Variants in PEAK1 observed in about 807,000 individuals in gnomAD.
The protein encoded by PEAK1 is pseudopodium enriched atypical kinase 1, also known as inactive tyrosine-protein kinase PEAK1.
In PEAK1, 54 loss-of-function variants were observed where a neutral mutation model predicts 124.7. The ratio of observed to expected loss-of-function variants is 0.43; its 90% CI spans 0.35 to 0.54. The LOEUF is 0.54. PEAK1 is among the 20% of genes least tolerant of loss of function. PEAK1 has a pLI of 0.01. For missense variants in PEAK1, 2,046 were observed against 2,134.5 expected, an observed-to-expected ratio of 0.96 and a Z score of 0.82; for synonymous variants, 719 against 760.0, an observed-to-expected ratio of 0.95 and a Z score of 0.89.
intron 2 of PEAK1, among the ~76,000 whole-genome samples, chr15:77,344,685 C>A (rs971434270): frequency 1.3e-5 from 2 of 152,204 alleles, no homozygotes; most frequent in Non-Finnish European, 2.9e-5. Context: ...GTCTTCCAAC[C>A]CATGAACATG....
At chr15:77,348,355 T>TA (rs1597388955) in intron 2 of PEAK1, 12 of 892,352 alleles carry the variant, frequency 1.3e-5, no homozygotes, top group Non-Finnish European at 1.6e-5. Flanking sequence ...TAAAACAGGT[T>TA]AAATTTAAAG....
intron 7 of PEAK1, among the ~76,000 whole-genome samples, chr15:77,171,301 A>C (rs2152805881): frequency 6.6e-6 from 1 of 152,334 alleles, no homozygotes; most frequent in South Asian, 2.1e-4. Context: ...CTGACATTTA[A>C]ATGAGAAACT....
At position 77,133,285 on chromosome 15, in the gene PEAK1, C is replaced by T. The variant is rs750231791; in HGVS notation, c.3797G>A (p.Arg1266Gln). 66 of 1,614,114 alleles carry T rather than the reference C, an allele frequency of 4.1e-5. No homozygotes were observed. Among genetic ancestry groups the T allele is most frequent in the Non-Finnish European group, 5.2e-5 (61 of 1,180,044 alleles). The part of the protein sequence containing the change: ...SRRGPSCRQG[R>Q]GIQKPQRQAL... Reference sequence around the variant, plus strand: ...TTGTCTCTGCGGCTTCTGGATGCCTCGGCCCTGTCTGCAAGAGGGCCCACG... The same window carrying T: ...TTGTCTCTGCGGCTTCTGGATGCCTTGGCCCTGTCTGCAAGAGGGCCCACG... Residue 1266 changes from arginine (R) to glutamine (Q), a missense_variant, in exon 9 of 10, where the codon CGA becomes CAA. Arg to Gln is a conservative substitution (Grantham distance 43). Transcript: ENST00000682557. The surrounding 1 kb of genome is among the most constrained non-coding windows in gnomAD (Gnocchi z 4.2).
chr15:77,146,301 C>A (rs919509578), intron 8 of PEAK1, among the ~76,000 whole-genome samples: 1 of 152,178 alleles, frequency 6.6e-6, no homozygotes, highest in Admixed American at 6.5e-5. Context: ...TAAGCAACAA[C>A]TGGCAAATCA....
chr15:77,385,407 AG>A (rs2141859193), intron 1 of PEAK1, among the ~76,000 whole-genome samples: 1 of 152,338 alleles, frequency 6.6e-6, no homozygotes, highest in African/African-American at 2.4e-5. Context: ...AAAAAATAAA[AG>A]GACCAAACTT....
chr15:77,162,723 T>C (rs2055768780), intron 7 of PEAK1, among the ~76,000 whole-genome samples: 1 of 152,154 alleles, frequency 6.6e-6, no homozygotes, highest in South Asian at 2.1e-4. Flanking sequence ...ATTTTCTGAA[T>C]GCTTTGATTT....
chr15:77,296,649 AT>A (rs951828159), intron 2 of PEAK1, among the ~76,000 whole-genome samples: 1 of 151,362 alleles, frequency 6.6e-6, no homozygotes, highest in African/African-American at 2.4e-5. Flanking sequence ...TAAATGACAA[AT>A]TGAAAAAAAA....
At chr15:77,143,301 T>C (rs116446879) in intron 8 of PEAK1, among the ~76,000 whole-genome samples, 11 of 152,298 alleles carry the variant, frequency 7.2e-5, no homozygotes, top group East Asian at 3.9e-4. Flanking sequence ...AAGCAGTGAA[T>C]TGCACCAGCT....
At chr15:77,402,271 T>C (rs529357359) in intron 1 of PEAK1, 13 of 984,776 alleles carry the variant, frequency 1.3e-5, no homozygotes, top group Non-Finnish European at 1.4e-5. Flanking sequence ...CAGAAGGTTT[T>C]CAGTAATAGA....
intron 1 of PEAK1, among the ~76,000 whole-genome samples, chr15:77,410,420 C>T (rs940104189): frequency 4.6e-5 from 7 of 152,124 alleles, no homozygotes; most frequent in African/African-American, 1.2e-4. Flanking sequence ...CCATCGCACC[C>T]GTCTGTGATC....
chr15:77,263,268 G>C (rs2061536760), intron 5 of PEAK1, among the ~76,000 whole-genome samples: 1 of 151,998 alleles, frequency 6.6e-6, no homozygotes, highest in African/African-American at 2.4e-5. Flanking sequence ...CAGAACTGAA[G>C]GAAATAGACA....
chr15:77,215,496 T>A (rs2059109016), intron 6 of PEAK1, among the ~76,000 whole-genome samples: 2 of 152,342 alleles, frequency 1.3e-5, no homozygotes, highest in South Asian at 4.1e-4. Context: ...TCTCGTATAC[T>A]TTAAATCATC....
intron 2 of PEAK1, among the ~76,000 whole-genome samples, chr15:77,317,910 A>C (rs1474244543): frequency 6.6e-6 from 1 of 152,212 alleles, no homozygotes; most frequent in Non-Finnish European, 1.5e-5. Context: ...TGTTGGGTGT[A>C]AAAAGCCATT....
chr15:77,214,363 TC>T (rs1264892199), intron 6 of PEAK1, among the ~76,000 whole-genome samples: 2 of 151,570 alleles, frequency 1.3e-5, no homozygotes, highest in Non-Finnish European at 2.9e-5. Context: ...ACGTCTGTAA[TC>T]CCAGTACTTT....
chr15:77,387,968 G>C (rs1342988271), intron 1 of PEAK1, among the ~76,000 whole-genome samples: 1 of 152,148 alleles, frequency 6.6e-6, no homozygotes, highest in South Asian at 2.1e-4. Flanking sequence ...AGGGGAGGTA[G>C]GGCCAGTTTT....
At chr15:77,355,417 ATGAC>A (rs1413025235) in intron 2 of PEAK1, among the ~76,000 whole-genome samples, 1 of 152,258 alleles carries the variant, frequency 6.6e-6, no homozygotes, top group Non-Finnish European at 1.5e-5. Context: ...TTGGGCAAGA[ATGAC>A]TGTTCAGATT....
intron 7 of PEAK1, among the ~76,000 whole-genome samples, chr15:77,167,737 T>C (rs563654201): frequency 6.6e-6 from 1 of 152,332 alleles, no homozygotes; most frequent in East Asian, 1.9e-4. Context: ...TAATGCAAAT[T>C]TTTTTTCTTT....
chr15:77,323,208 T>C (rs2065346473), intron 2 of PEAK1, among the ~76,000 whole-genome samples: 1 of 152,178 alleles, frequency 6.6e-6, no homozygotes, highest in South Asian at 2.1e-4. Context: ...AAGCGTTCCC[T>C]TTGAAAACTG....
At position 77,252,859 on chromosome 15, in the gene PEAK1, C is replaced by T. The variant is rs369455584; in HGVS notation, c.-274-333G>A. 1.6e-4 allele frequency among the ~76,000 whole-genome samples: 25 copies of T among 152,208 alleles called. No individual in the cohort carries two copies. The East Asian group carries it at 1.9e-3, about 12-fold the overall frequency. Reference sequence around the variant, plus strand: ...TAACTCAATGACAAGTCATTAAACTCGAACTTTATAAAAATATGATTCTAA... The same window carrying T: ...TAACTCAATGACAAGTCATTAAACTTGAACTTTATAAAAATATGATTCTAA... On this transcript the variant is annotated intron_variant, in intron 5 of 9. Coordinates refer to ENST00000682557, the MANE Select transcript of PEAK1 (RefSeq NM_001385026.1).
Sources: allele counts gnomAD v4.1 joint callset (sites outside exome capture counted in the v4.1 genomes callset), GRCh38; gene constraint gnomAD v4.1.1; non-coding constraint Gnocchi (gnomAD v3.1); transcripts MANE v1.5; gene names NCBI Gene and HGNC (gene_info 2026-07-23, HGNC 2026-07-21).